ALPK1: variants seen among roughly 807,000 people sequenced by gnomAD.
The protein encoded by ALPK1 is alpha kinase 1.
ALPK1 carries 110 observed loss-of-function variants against 120.6 expected under a neutral mutation model. The ratio of observed to expected loss-of-function variants is 0.91; its 90% confidence interval spans 0.78 to 1.07. ALPK1 has a LOEUF of 1.07. ALPK1 is among the 50% of genes least tolerant of loss of function. ALPK1 has a pLI of 0.00. For synonymous variants in ALPK1, 582 were observed against 560.3 expected, an observed-to-expected ratio of 1.04 and a Z score of -0.55; for missense variants, 1,498 against 1,483.9, an observed-to-expected ratio of 1.01 and a Z score of -0.16.
intron 1 of ALPK1, among the ~76,000 whole-genome samples, chr4:112,308,691 G>T (rs370888250): frequency 6.6e-6 from 1 of 152,054 alleles, no homozygotes. Context: ...CAATGGGTTC[G>T]AACTTCCTCC....
chr4:112,349,867 T>A (rs1017717859), intron 2 of ALPK1, among the ~76,000 whole-genome samples: 2 of 152,118 alleles, frequency 1.3e-5, no homozygotes, highest in South Asian at 2.1e-4. Flanking sequence ...TTTAATTTTT[T>A]AAAAAAACTC....
chr4:112,374,508 C>T (rs1043044024), intron 2 of ALPK1, among the ~76,000 whole-genome samples: 3 of 152,154 alleles, frequency 2.0e-5, no homozygotes, highest in East Asian at 1.9e-4. Context: ...CCATGAATCA[C>T]GAATGTTCTT....
chr4:112,430,042 G>A (rs550223236), intron 10 of ALPK1, among the ~76,000 whole-genome samples: 8 of 152,092 alleles, frequency 5.3e-5, no homozygotes, highest in African/African-American at 1.7e-4. Context: ...CTATTGTTTC[G>A]ACATTAAATG....
At chr4:112,440,455 G>T (rs765648026) in intron 14 of ALPK1, among the ~76,000 whole-genome samples, 7 of 151,998 alleles carry the variant, frequency 4.6e-5, no homozygotes, top group Non-Finnish European at 1.0e-4. Flanking sequence ...TTTTTTACTA[G>T]CTTGTTCAGT....
intron 2 of ALPK1, among the ~76,000 whole-genome samples, chr4:112,349,288 G>A (rs997924738): frequency 1.3e-5 from 2 of 152,116 alleles, no homozygotes; most frequent in Admixed American, 6.5e-5. Context: ...TGAAGACTTT[G>A]CATAGTCAAG....
intron 2 of ALPK1, chr4:112,352,604 T>C (rs969413401): frequency 6.6e-6 from 1 of 152,224 alleles, no homozygotes; most frequent in Non-Finnish European, 1.5e-5. Flanking sequence ...AGTTGTTATA[T>C]TGAATTGGTT....
At chr4:112,413,897 T>G (rs1733607691) in intron 5 of ALPK1, among the ~76,000 whole-genome samples, 1 of 152,200 alleles carries the variant, frequency 6.6e-6, no homozygotes, top group South Asian at 2.1e-4. Context: ...CTGGATCTTT[T>G]TCCCTAATGG....
At chr4:112,381,333 T>C (rs995273706) in intron 3 of ALPK1, among the ~76,000 whole-genome samples, 2 of 152,118 alleles carry the variant, frequency 1.3e-5, no homozygotes, top group Non-Finnish European at 2.9e-5. Flanking sequence ...GTCATTAAAG[T>C]AGAGATTTAT....
chr4:112,417,621 G>A (rs921497264), intron 5 of ALPK1, among the ~76,000 whole-genome samples: 4 of 152,092 alleles, frequency 2.6e-5, no homozygotes, highest in Non-Finnish European at 5.9e-5. Context: ...AAGTAGCTGG[G>A]ACTACAGGCA....
chr4:112,431,846 G>A lies in ALPK1; in HGVS notation c.2299G>A (p.Glu767Lys). Residue 767 changes from glutamate to lysine, a missense_variant, in exon 11 of 16, where the codon GAA (glutamate) becomes AAA (lysine). Coordinates refer to ENST00000650871, the MANE Select transcript of ALPK1 (RefSeq NM_025144.4). ...VKDRQGKEQG[E>K]EISERGAGPT... ...AGACAGGCAGGGGAAAGAGCAGGGA[G>A]AAGAAATTAGTGAAAGAGGCGCAGG... 1.2e-6 allele frequency: 2 copies of A among 1,614,044 alleles called. No homozygotes were observed. The highest frequency in any genetic ancestry group is 1.1e-5 in the South Asian group (1 of 91,092).
At chr4:112,387,785 A>G (rs1732218858) in intron 4 of ALPK1, among the ~76,000 whole-genome samples, 1 of 152,152 alleles carries the variant, frequency 6.6e-6, no homozygotes, top group Admixed American at 6.5e-5. Flanking sequence ...AATTTTTTTA[A>G]CTTTTATTTT....
Position 112,426,457 on chromosome 4 carries a change from T to A in ALPK1, c.623-10T>A, listed in dbSNP as rs1185491151. 2.5e-6 allele frequency: 4 copies of A among 1,610,060 alleles called. No homozygotes were observed. The highest frequency in any genetic ancestry group is 3.4e-6 in the Non-Finnish European group (4 of 1,178,156). On this transcript the variant is annotated splice_polypyrimidine_tract_variant and intron_variant, in intron 7 of 15. Transcript: ENST00000650871. ...CCTGTCCCTCTCCCCGCCCCTCTTT[T>A]TTTTTTCAGGGATGTGGTACGAAGC...
intron 2 of ALPK1, chr4:112,357,272 G>T (rs1418106000): frequency 4.0e-6 from 5 of 1,263,844 alleles, no homozygotes; most frequent in Non-Finnish European, 5.6e-6. Context: ...ACGTGCTGGG[G>T]TGTTCGCCAA....
Position 112,377,865 on chromosome 4 carries a change from G to C in ALPK1, c.88G>C (p.Glu30Gln). ...CTTGTTGGAAGCGCCAGATGTGTCG[G>C]AAGAGGACAAGAGCGAGGACCAGCG... ...QLLLEAPDVS[E>Q]EDKSEDQRCR... is the part of the protein sequence containing the mutation. The change falls in exon 3 of 16, where the codon GAA becomes CAA. Residue 30 changes from glutamate to glutamine, a missense_variant. Physicochemically the swap from Glu to Gln is conservative, Grantham distance 29 (BLOSUM62 2). Transcript: ENST00000650871. 6.2e-7 allele frequency: 1 copy of C among 1,613,530 alleles called. No homozygotes were observed. The highest frequency in any genetic ancestry group is 8.5e-7 in the Non-Finnish European group (1 of 1,179,628).
intron 2 of ALPK1, among the ~76,000 whole-genome samples, chr4:112,346,308 G>T (rs575406018): frequency 1.3e-5 from 2 of 152,302 alleles, no homozygotes; most frequent in South Asian, 4.1e-4. Flanking sequence ...TTCATTATTT[G>T]AGTCTCATAT....
intron 1 of ALPK1, among the ~76,000 whole-genome samples, chr4:112,312,537 G>A (rs1728454600): frequency 6.6e-6 from 1 of 152,178 alleles, no homozygotes; most frequent in East Asian, 1.9e-4. Context: ...CTTCCAAAGT[G>A]CTGGGATTAC....
chr4:112,427,529 G>A, intron 8 of ALPK1, 41 bp from the exon 9 acceptor site: 2 of 1,451,472 alleles, frequency 1.4e-6, no homozygotes, highest in South Asian at 1.1e-5. Context: ...GTAATCCACT[G>A]TGAATTCCCG....
chr4:112,411,316 C>T (rs1197008343), intron 4 of ALPK1, among the ~76,000 whole-genome samples: 1 of 152,244 alleles, frequency 6.6e-6, no homozygotes, highest in African/African-American at 2.4e-5. Context: ...CCTCCGCCTC[C>T]TGGGTTCAAG....
chr4:112,317,510 T>C (rs1434186923), intron 2 of ALPK1, among the ~76,000 whole-genome samples: 3 of 152,200 alleles, frequency 2.0e-5, no homozygotes, highest in Admixed American at 2.0e-4. Context: ...TCTTTCCTCA[T>C]TGGATGGTCT....
Sources: gnomAD v4.1 joint callset for allele counts (sites outside exome capture counted in the v4.1 genomes callset) on GRCh38, gnomAD v4.1.1 for gene constraint, MANE v1.5 for transcripts, NCBI Gene and HGNC (gene_info 2026-07-23, HGNC 2026-07-21) for gene names.